The following HDAC9 variants were observed in gnomAD, a reference collection of about 807,000 sequenced individuals.
The protein encoded by HDAC9 is MEF-2 interacting transcription repressor (MITR) protein.
HDAC9 carries 41 observed loss-of-function variants against 139.4 expected under a neutral mutation model. That is an observed-to-expected ratio of 0.29 (90% CI 0.23 to 0.38). HDAC9 has a LOEUF of 0.38. Among genes scored for constraint, HDAC9 ranks in the 10% least tolerant of loss-of-function variants. The pLI is 1.00. For synonymous variants in HDAC9, 517 were observed against 476.2 expected, an observed-to-expected ratio of 1.09 and a Z score of -1.12; for missense variants, 1,147 against 1,297.0, an observed-to-expected ratio of 0.88 and a Z score of 1.78.
At chr7:18,414,862 A>G in intron 1 of HDAC9, among the ~76,000 whole-genome samples, 1 of 152,194 alleles carries the variant, frequency 6.6e-6, no homozygotes, top group South Asian at 2.1e-4. Flanking sequence ...TTTTTACCTC[A>G]ACTTTTTTTC....
chr7:18,484,649 A>G (rs1795834899), intron 1 of HDAC9, among the ~76,000 whole-genome samples: 1 of 152,176 alleles, frequency 6.6e-6, no homozygotes, highest in African/African-American at 2.4e-5. Context: ...TCGTTTAACT[A>G]GGCCTCGGTT....
intron 1 of HDAC9, among the ~76,000 whole-genome samples, chr7:18,485,490 C>A (rs574865085): frequency 1.3e-5 from 2 of 150,186 alleles, no homozygotes; most frequent in Admixed American, 1.3e-4. Context: ...AGAAACAAAG[C>A]AGACTAATGA....
At chr7:18,904,423 A>G (rs1220664523) in intron 22 of HDAC9, among the ~76,000 whole-genome samples, 2 of 152,172 alleles carry the variant, frequency 1.3e-5, no homozygotes, top group East Asian at 3.9e-4. Context: ...CATAAAAGTT[A>G]AAATCTATAT....
chr7:18,339,099 G>C (rs1330063277), intron 1 of HDAC9, among the ~76,000 whole-genome samples: 1 of 151,350 alleles, frequency 6.6e-6, no homozygotes. Flanking sequence ...AGAATCTGTA[G>C]TGACGTCATT....
chr7:18,538,835 G>A (rs1811755669), intron 2 of HDAC9, among the ~76,000 whole-genome samples: 1 of 152,168 alleles, frequency 6.6e-6, no homozygotes, highest in Non-Finnish European at 1.5e-5. Context: ...GCTGGAGACT[G>A]TGTAATTTAT....
intron 12 of HDAC9, among the ~76,000 whole-genome samples, chr7:18,683,114 T>C (rs1782006476): frequency 6.6e-6 from 1 of 151,754 alleles, no homozygotes; most frequent in Non-Finnish European, 1.5e-5. Flanking sequence ...ACTTTTCTTT[T>C]TTTTACAAAA....
chr7:18,725,760 T>C (rs577632225), intron 12 of HDAC9, among the ~76,000 whole-genome samples: 179 of 152,324 alleles, frequency 1.2e-3, no homozygotes, highest in African/African-American at 4.2e-3. Flanking sequence ...TTGTGTTCCC[T>C]GTAACAGTGA....
chr7:18,594,069 A>G, intron 6 of HDAC9, 40 bp downstream of exon 6: 2 of 1,607,794 alleles, frequency 1.2e-6, no homozygotes, highest in Non-Finnish European at 1.7e-6. Context: ...CTCTTCTGTA[A>G]CACACCTGTA....
intron 12 of HDAC9, among the ~76,000 whole-genome samples, chr7:18,689,393 T>A (rs1246723977): frequency 6.6e-6 from 1 of 151,932 alleles, no homozygotes; most frequent in Non-Finnish European, 1.5e-5. Context: ...AGAAACAATG[T>A]CACAAGGGTC....
chr7:18,756,815 AC>A (rs1788917672), intron 14 of HDAC9, among the ~76,000 whole-genome samples: 1 of 151,820 alleles, frequency 6.6e-6, no homozygotes, highest in Non-Finnish European at 1.5e-5. Context: ...CACAGAAAGG[AC>A]CAAAAGCCTG....
chr7:18,932,608 G>C (rs11975390), intron 22 of HDAC9, among the ~76,000 whole-genome samples: 10,062 of 151,834 alleles, frequency 0.066, 752 homozygotes, highest in East Asian at 0.2. Flanking sequence ...GAAGGGGAGG[G>C]AATTTAACTG....
At chr7:18,147,862 A>G (rs1786462142) in intron 1 of HDAC9, among the ~76,000 whole-genome samples, 1 of 152,092 alleles carries the variant, frequency 6.6e-6, no homozygotes, top group Non-Finnish European at 1.5e-5. Flanking sequence ...TTTTGATTTT[A>G]TTATGTCATT....
chr7:18,807,357 G>T (rs970078662), intron 17 of HDAC9, among the ~76,000 whole-genome samples: 2 of 151,998 alleles, frequency 1.3e-5, no homozygotes, highest in Non-Finnish European at 1.5e-5. Context: ...TCTAGTCAAA[G>T]GATTGTCATT....
In HDAC9 at chr7:18,584,140, C is replaced by CTTTTTTTTT. The variant is rs3084518; in HGVS notation, c.23-1129_23-1121dup. ...AACTATTCCTTTAGAAAGCAGCATT[C>CTTTTTTTTT]TTTTTTTTTTTTTTTTTTTTGAGAC... On this transcript the variant is annotated intron_variant, in intron 2 of 25. Transcript: ENST00000686413. 1.2e-3 allele frequency among the ~76,000 whole-genome samples: 130 copies of CTTTTTTTTT among 107,696 alleles called. 2 individuals carry two copies. The highest frequency in any genetic ancestry group is 1.4e-3 in the African/African-American group (39 of 28,314). The allele number at this position is 107,696 out of a possible 152,430, so 70.7% of individuals were successfully genotyped here. A position where few individuals can be genotyped will look rare whatever the true frequency, so the allele number is the denominator to read the frequency against.
At chr7:18,522,415 A>G (rs750607112) in intron 2 of HDAC9, among the ~76,000 whole-genome samples, 3 of 152,148 alleles carry the variant, frequency 2.0e-5, no homozygotes, top group Non-Finnish European at 2.9e-5. Context: ...CAATATGCTA[A>G]GAGTGCACCC....
chr7:18,661,694 T>C (rs1368548641), intron 11 of HDAC9, among the ~76,000 whole-genome samples: 2 of 152,258 alleles, frequency 1.3e-5, no homozygotes, highest in Middle Eastern at 3.4e-3. Context: ...GTTACTGTTT[T>C]ATATCAAGAA....
chr7:18,565,164 T>G (rs1306168976), intron 2 of HDAC9, among the ~76,000 whole-genome samples: 1 of 151,968 alleles, frequency 6.6e-6, no homozygotes, highest in East Asian at 1.9e-4. Flanking sequence ...ACCCAGCTAA[T>G]TTTGTATTTT....
At chr7:18,506,498 T>A (rs1799800359) in intron 2 of HDAC9, among the ~76,000 whole-genome samples, 1 of 152,198 alleles carries the variant, frequency 6.6e-6, no homozygotes, top group African/African-American at 2.4e-5. Context: ...GTAAGAATGA[T>A]TCTATTATTG....
chr7:18,821,485 G>T (rs1206656593), intron 17 of HDAC9, among the ~76,000 whole-genome samples: 1 of 152,200 alleles, frequency 6.6e-6, no homozygotes, highest in Non-Finnish European at 1.5e-5. Context: ...GAACCAAAAG[G>T]CCAGTGTGGC....
Sources: allele counts gnomAD v4.1 joint callset (sites outside exome capture counted in the v4.1 genomes callset), GRCh38; gene constraint gnomAD v4.1.1; transcripts MANE v1.5; gene names NCBI Gene and HGNC (gene_info 2026-07-23, HGNC 2026-07-21).